TBPL1: variants seen among roughly 807,000 people sequenced by gnomAD.
TBPL1 encodes the protein TATA-box binding protein like 1.
Under a neutral mutation model 22.1 loss-of-function variants are expected in TBPL1, and 4 were observed. The ratio of observed to expected loss-of-function variants is 0.18; its 90% CI spans 0.09 to 0.41. The LOEUF is 0.41. TBPL1 is among the 10% of genes least tolerant of loss of function. TBPL1 has a pLI of 1.00. For missense variants in TBPL1, 115 were observed against 222.3 expected (o/e 0.52, Z 3.07); for synonymous variants, 64 against 71.0 (o/e 0.90, Z 0.50).
chr6:133,986,094 T>G (rs1776517026), intron 6 of TBPL1: 1 of 152,146 alleles, frequency 6.6e-6, no homozygotes. Context: ...GCCTATGAAA[T>G]GTTACTGAAT....
chr6:133,973,309 T>C (rs185016624), intron 1 of TBPL1, among the ~76,000 whole-genome samples: 1 of 152,216 alleles, frequency 6.6e-6, no homozygotes, highest in African/African-American at 2.4e-5. Context: ...TCTTAGATCA[T>C]AGATGGTAAT....
chr6:133,985,337 T>TATACACAC (rs756426220), intron 6 of TBPL1, among the ~76,000 whole-genome samples: 5 of 55,036 alleles, frequency 9.1e-5, no homozygotes, highest in African/African-American at 3.0e-4. Context: ...TATATATATA[T>TATACACAC]ACACACATAT....
chr6:133,976,925 G>A (rs545456934), intron 1 of TBPL1, among the ~76,000 whole-genome samples: 4 of 148,804 alleles, frequency 2.7e-5, no homozygotes, highest in Admixed American at 6.8e-5. Context: ...CCAAGATCGC[G>A]TCACAGCCCT....
rs1776051058 is a variant in TBPL1, at chr6:133,963,013, A to G, written c.-45+9588A>G. ...GAGAATCAGAAGTTCCCAGTGCTTT[A>G]TGCTCTAGAGTAGGAGGGAGTTTAA... On this transcript the variant is annotated intron_variant, in intron 1 of 6. Coordinates refer to ENST00000237264, the MANE Select transcript of TBPL1 (RefSeq NM_004865.4). 2.0e-5 allele frequency among the ~76,000 whole-genome samples: 3 copies of G among 152,230 alleles called. No homozygotes were observed. The South Asian group carries it at 6.2e-4, about 31-fold the overall frequency.
At chr6:133,971,039 C>T (rs572084879) in intron 1 of TBPL1, among the ~76,000 whole-genome samples, 14 of 152,262 alleles carry the variant, frequency 9.2e-5, no homozygotes, top group African/African-American at 2.9e-4. Flanking sequence ...ATAACTTATT[C>T]CTCCAATCCA....
At chr6:133,971,507 C>T (rs1371468906) in intron 1 of TBPL1, among the ~76,000 whole-genome samples, 2 of 152,042 alleles carry the variant, frequency 1.3e-5, no homozygotes, top group Non-Finnish European at 2.9e-5. Flanking sequence ...TCTATAATGG[C>T]TATGTGAGTT....
At chr6:133,985,136 G>T (rs1776484337) in intron 6 of TBPL1, among the ~76,000 whole-genome samples, 1 of 151,020 alleles carries the variant, frequency 6.6e-6, no homozygotes, top group African/African-American at 2.4e-5. Flanking sequence ...AATATTAGCT[G>T]GGCGTGGTGG....
intron 1 of TBPL1, among the ~76,000 whole-genome samples, chr6:133,974,576 C>G (rs545284155): frequency 1.3e-5 from 2 of 152,350 alleles, no homozygotes; most frequent in South Asian, 2.1e-4. Context: ...ATCCACTCAC[C>G]TTGCCCTCCC....
chr6:133,957,366 G>C (rs139285429), intron 1 of TBPL1, among the ~76,000 whole-genome samples: 2 of 152,290 alleles, frequency 1.3e-5, no homozygotes, highest in African/African-American at 4.8e-5. Flanking sequence ...GGACATATGT[G>C]GATGATTTCA....
intron 1 of TBPL1, among the ~76,000 whole-genome samples, chr6:133,957,271 A>G (rs2114318372): frequency 6.6e-6 from 1 of 152,380 alleles, no homozygotes; most frequent in Middle Eastern, 3.4e-3. Flanking sequence ...AGTACAGCAC[A>G]GAAGTTTGGC....
chr6:133,961,893 T>G (rs1335280860), intron 1 of TBPL1, among the ~76,000 whole-genome samples: 1 of 152,186 alleles, frequency 6.6e-6, no homozygotes, highest in Admixed American at 6.5e-5. Flanking sequence ...TGTCAGCCTA[T>G]TTGTTGTCTT....
chr6:133,970,882 GT>G, intron 1 of TBPL1, among the ~76,000 whole-genome samples: 1 of 152,208 alleles, frequency 6.6e-6, no homozygotes, highest in South Asian at 2.1e-4. Flanking sequence ...CAGATTTGTT[GT>G]ATAGTGATCA....
chr6:133,980,299 A>G (rs757891365), intron 2 of TBPL1, 39 bp downstream of exon 2: 3 of 1,554,480 alleles, frequency 1.9e-6, no homozygotes, highest in African/African-American at 1.4e-5. Flanking sequence ...TACATAGCCT[A>G]ATTTTATAGT....
chr6:133,964,040 C>G (rs1201717034), intron 1 of TBPL1, among the ~76,000 whole-genome samples: 1 of 151,696 alleles, frequency 6.6e-6, no homozygotes, highest in Non-Finnish European at 1.5e-5. Context: ...GACTGCGTCT[C>G]AAAAAAAAGA....
chr6:133,968,280 T>C (rs966839349), intron 1 of TBPL1, among the ~76,000 whole-genome samples: 3 of 152,162 alleles, frequency 2.0e-5, no homozygotes, highest in Non-Finnish European at 2.9e-5. Flanking sequence ...GAAAATGACA[T>C]GCTATCTTCC....
Position 133,955,013 on chromosome 6 carries a change from T to C in TBPL1, c.-45+1588T>C, listed in dbSNP as rs2300198. ...GTGGACAGGATGCAAAGTGTGAACA[T>C]TGGGAAACTTAAGTTGCATTTTAAG... On this transcript the variant is annotated intron_variant, in intron 1 of 6. Transcript: ENST00000237264. Among the ~76,000 whole-genome samples, 211 of 152,198 alleles carry C rather than the reference T, an allele frequency of 1.4e-3. 2 individuals carry two copies. Among genetic ancestry groups the C allele is most frequent in the Non-Finnish European group, 2.5e-3 (173 of 68,012 alleles).
At chr6:133,960,418 C>CTTT (rs765884620) in intron 1 of TBPL1, among the ~76,000 whole-genome samples, 4,199 of 131,528 alleles carry the variant, frequency 0.032, 79 homozygotes, top group Non-Finnish European at 0.045. Context: ...GCTGACCAGC[C>CTTT]TTTTTTTTTT....
At chr6:133,959,086 C>T (rs1775974950) in intron 1 of TBPL1, among the ~76,000 whole-genome samples, 1 of 152,112 alleles carries the variant, frequency 6.6e-6, no homozygotes, top group East Asian at 1.9e-4. Context: ...GTCACCCAGA[C>T]TGGAGTGCGG....
At position 133,989,474 on chromosome 6, in the gene TBPL1, A is replaced by G. The variant is rs1019873549; in HGVS notation, c.*2434A>G. On this transcript the variant is annotated 3_prime_UTR_variant, in exon 7 of 7. Transcript: ENST00000237264. Reference sequence around the variant, plus strand: ...GCTAAACAAAAAATACCTGAAGTATATATAGAGTTTGAACTATAAACACGG... The same window carrying G: ...GCTAAACAAAAAATACCTGAAGTATGTATAGAGTTTGAACTATAAACACGG... The G allele has an allele frequency of 7.2e-5, 11 of 152,208 alleles. No individual in the cohort carries two copies. The highest frequency in any genetic ancestry group is 2.7e-4 in the African/African-American group (11 of 41,452). The allele number at this position is 152,208 out of a possible 1,614,324, so 9.4% of individuals were successfully genotyped here.
Sources: allele counts gnomAD v4.1 joint callset (sites outside exome capture counted in the v4.1 genomes callset), GRCh38; gene constraint gnomAD v4.1.1; transcripts MANE v1.5; gene names NCBI Gene and HGNC (gene_info 2026-07-23, HGNC 2026-07-21).